Variants in PAK3 observed in about 807,000 individuals in gnomAD.
The protein encoded by PAK3 is serine/threonine-protein kinase PAK 3.
In PAK3, 4 loss-of-function variants were observed where a neutral mutation model predicts 41.0. The ratio of observed to expected loss-of-function variants is 0.10; its 90% CI spans 0.05 to 0.22. PAK3 has a LOEUF of 0.22. Ranked by LOEUF, PAK3 falls within the 10% of genes least tolerant of loss-of-function variation. PAK3 has a pLI of 1.00. For missense variants in PAK3, 205 were observed against 409.9 expected (o/e 0.50, Z 4.32); for synonymous variants, 146 against 139.6 (o/e 1.05, Z -0.32).
chrX:110,988,576 T>C (rs1602665901), intron 1 of PAK3, among the ~76,000 whole-genome samples: 3 of 111,891 alleles, frequency 2.7e-5, no homozygotes, highest in Non-Finnish European at 5.6e-5. Context: ...ACAAAATTAT[T>C]TGAAATACTC....
At chrX:111,052,468 T>C (rs1367598458) in intron 1 of PAK3, among the ~76,000 whole-genome samples, 1 of 112,767 alleles carries the variant, frequency 8.9e-6, no homozygotes, top group Admixed American at 9.4e-5. Context: ...ATTTATTGAG[T>C]GCTTACTATG....
At chrX:111,137,957 G>A (rs1339953928) in intron 5 of PAK3, among the ~76,000 whole-genome samples, 4 of 111,039 alleles carry the variant, frequency 3.6e-5, no homozygotes, top group Non-Finnish European at 5.7e-5. Flanking sequence ...AGACATTTTA[G>A]TGTATCTAAA....
intron 4 of PAK3, among the ~76,000 whole-genome samples, chrX:111,107,540 A>G (rs1386871713): frequency 8.9e-6 from 1 of 112,105 alleles, no homozygotes; most frequent in East Asian, 2.8e-4. Context: ...TGCAAGAGTC[A>G]TGTGCCAACA....
chrX:111,034,121 C>T (rs2092369624), intron 1 of PAK3, among the ~76,000 whole-genome samples: 1 of 111,091 alleles, frequency 9.0e-6, no homozygotes, highest in African/African-American at 3.3e-5. Context: ...TTTTGTTTTC[C>T]ATGAGGAAGG....
chrX:110,948,681 C>A (rs898039669), intron 1 of PAK3, among the ~76,000 whole-genome samples: 1 of 110,954 alleles, frequency 9.0e-6, no homozygotes, highest in African/African-American at 3.3e-5. Flanking sequence ...GAGACTGTTG[C>A]ACAAGGCATT....
At chrX:110,980,003 T>C (rs886415987) in intron 1 of PAK3, among the ~76,000 whole-genome samples, 2 of 112,076 alleles carry the variant, frequency 1.8e-5, no homozygotes, top group African/African-American at 6.5e-5. Flanking sequence ...ATTTCCTTGC[T>C]GATTGTCTGC....
chrX:111,219,190 AAAT>A (rs3062744), intron 17 of PAK3, among the ~76,000 whole-genome samples: 7,033 of 84,320 alleles, frequency 0.083, 259 homozygotes, highest in Middle Eastern at 0.15. Flanking sequence ...AGTCCATCTC[AAAT>A]AATAATAATA....
At chrX:111,066,580 CAAT>C (rs1423953842) in intron 1 of PAK3, among the ~76,000 whole-genome samples, 1 of 111,708 alleles carries the variant, frequency 9.0e-6, no homozygotes, top group East Asian at 2.8e-4. Flanking sequence ...CTATTAGGTC[CAAT>C]ATGTCAAGCG....
chrX:111,029,696 A>G (rs1254884178), intron 1 of PAK3, among the ~76,000 whole-genome samples: 2 of 111,814 alleles, frequency 1.8e-5, no homozygotes, highest in East Asian at 2.8e-4. Context: ...CAAGCAATCA[A>G]CTTTTTCTTG....
At chrX:111,003,011 T>C (rs1260512963) in intron 1 of PAK3, among the ~76,000 whole-genome samples, 1 of 112,100 alleles carries the variant, frequency 8.9e-6, no homozygotes, top group Non-Finnish European at 1.9e-5. Flanking sequence ...CAATGTGTGC[T>C]GTAACAAGCC....
intron 1 of PAK3, among the ~76,000 whole-genome samples, chrX:110,969,773 A>G (rs2091167953): frequency 8.9e-6 from 1 of 112,015 alleles, no homozygotes; most frequent in Non-Finnish European, 1.9e-5. Flanking sequence ...GGGTAAAACA[A>G]TTACTCTTGC....
intron 1 of PAK3, among the ~76,000 whole-genome samples, chrX:110,998,302 A>C (rs892119561): frequency 2.1e-4 from 24 of 112,162 alleles, no homozygotes; most frequent in African/African-American, 7.8e-4. Context: ...CAGCCAGAGA[A>C]GAAAGAAGAA....
intron 1 of PAK3, among the ~76,000 whole-genome samples, chrX:111,068,223 T>A (rs1227543086): frequency 8.9e-6 from 1 of 111,987 alleles, no homozygotes; most frequent in Non-Finnish European, 1.9e-5. Context: ...GGATCATCTA[T>A]AATTTATTTG....
rs1259737627 is a variant in PAK3, at chrX:111,221,536, A to G, written c.*1089A>G. ...GAAACATATGCACTGTAAAATAGGC[A>G]TACCAGGAGGAAATAGATACATTAA... On this transcript the variant is annotated 3_prime_UTR_variant, in exon 18 of 18. Coordinates refer to ENST00000372007, the MANE Select transcript of PAK3 (RefSeq NM_002578.5). The G allele has an allele frequency of 8.9e-6, 1 of 112,503 alleles. No individual in the cohort carries two copies. The highest frequency in any genetic ancestry group is 1.9e-5 in the Non-Finnish European group (1 of 53,251). 9.3% of individuals were successfully genotyped at this position (112,503 alleles called of 1,213,427 possible).
At position 111,183,443 on chromosome X, in the gene PAK3, A is replaced by G. The variant is rs1045683097; in HGVS notation, c.831-8684A>G. Among the ~76,000 whole-genome samples, 35 of 111,424 alleles carry G rather than the reference A, an allele frequency of 3.1e-4. 2 individuals carry two copies. The highest frequency in any genetic ancestry group is 9.8e-4 in the African/African-American group (30 of 30,683). ...TAAAACCTTAATGGGAATTTTGCCT[A>G]TCTTTCTGGCTCCCTCATTCTTATT... On this transcript the variant is annotated intron_variant, in intron 11 of 17. Transcript: ENST00000372007.
intron 1 of PAK3, among the ~76,000 whole-genome samples, chrX:110,997,647 T>C (rs1235124796): frequency 1.8e-5 from 2 of 111,462 alleles, no homozygotes; most frequent in African/African-American, 6.5e-5. Context: ...GAGAAGTAGG[T>C]TTTAGGGGAA....
chrX:110,972,934 C>T (rs1033785121), intron 1 of PAK3, among the ~76,000 whole-genome samples: 10 of 111,044 alleles, frequency 9.0e-5, no homozygotes, highest in African/African-American at 2.3e-4. Context: ...CTTCAATAGC[C>T]GATTCGATCA....
chrX:111,137,382 TGAG>T (rs1294509505), intron 5 of PAK3, among the ~76,000 whole-genome samples: 2 of 111,021 alleles, frequency 1.8e-5, no homozygotes, highest in Non-Finnish European at 1.9e-5. Context: ...TATAAATACC[TGAG>T]GAGTTTTAAA....
chrX:111,061,814 G>A (rs2092658298), intron 1 of PAK3, among the ~76,000 whole-genome samples: 1 of 110,106 alleles, frequency 9.1e-6, no homozygotes, highest in South Asian at 3.8e-4. Context: ...CTTATACTCA[G>A]TCACTTGTTT....
Sources: allele counts gnomAD v4.1 joint callset (sites outside exome capture counted in the v4.1 genomes callset), GRCh38; gene constraint gnomAD v4.1.1; transcripts MANE v1.5; gene names NCBI Gene and HGNC (gene_info 2026-07-23, HGNC 2026-07-21).